CASZ1: variants seen among roughly 807,000 people sequenced by gnomAD.
CASZ1 encodes castor zinc finger 1.
Under a neutral mutation model 135.2 loss-of-function variants are expected in CASZ1, and 28 were observed. That is an observed-to-expected ratio of 0.21 (90% CI 0.15 to 0.28). CASZ1 has a LOEUF of 0.28. CASZ1 is among the 10% of genes least tolerant of loss of function. The pLI is 1.00. For synonymous variants in CASZ1, 1,068 were observed against 1,073.4 expected (o/e 0.99, Z 0.10); for missense variants, 2,161 against 2,453.3 (o/e 0.88, Z 2.52).
At position 10,646,221 on chromosome 1, in the gene CASZ1, G is replaced by A. The variant is rs1359862588; in HGVS notation, c.3603C>T (p.Ser1201=). ...YVCKTSGKAE[S]HCLDHINPNN... ...TGGGGTTGATGTGGTCCAGGCAGTGGGATTCGGCCTTGCCAGACGTTTTGC... is the reference window on the plus strand; with the variant it reads ...TGGGGTTGATGTGGTCCAGGCAGTGAGATTCGGCCTTGCCAGACGTTTTGC... The change falls in exon 17 of 21, where the codon TCC becomes TCT. Residue 1201 remains serine (S), a synonymous_variant. Transcript: ENST00000377022. The surrounding 1 kb of genome is among the most constrained non-coding windows in gnomAD (Gnocchi z 6.4). 1 of 1,614,184 alleles carries A rather than the reference G, an allele frequency of 6.2e-7. No individual in the cohort carries two copies. The highest frequency in any genetic ancestry group is 1.7e-5 in the Admixed American group (1 of 60,020).
chr1:10,795,482 C>A (rs2100643933), intron 1 of CASZ1, among the ~76,000 whole-genome samples: 1 of 152,268 alleles, frequency 6.6e-6, no homozygotes, highest in East Asian at 1.9e-4. Context: ...CTCTCCCACG[C>A]TGCAGAGCCC....
intron 4 of CASZ1, among the ~76,000 whole-genome samples, chr1:10,678,985 C>T (rs892683138): frequency 3.3e-5 from 5 of 152,110 alleles, no homozygotes; most frequent in African/African-American, 1.2e-4. Context: ...GACAGACGCC[C>T]GTCTGCCCGC....
intron 2 of CASZ1, among the ~76,000 whole-genome samples, chr1:10,733,703 C>T (rs1366200707): frequency 2.0e-5 from 3 of 152,120 alleles, no homozygotes; most frequent in Admixed American, 6.5e-5. Context: ...TATGATAAGA[C>T]CTGGAAGATG....
chr1:10,778,996 G>A (rs1477942541), intron 1 of CASZ1, among the ~76,000 whole-genome samples: 1 of 152,214 alleles, frequency 6.6e-6, no homozygotes, highest in East Asian at 1.9e-4. Flanking sequence ...AAAAGGCCAA[G>A]ACCACTGCAA....
rs994545833 is a variant in CASZ1 at position 10,679,115 on chromosome 1, T to A, written c.17-13544A>T. Among the ~76,000 whole-genome samples, 2 of 152,142 alleles carry A rather than the reference T, an allele frequency of 1.3e-5. No individual in the cohort carries two copies. The highest frequency in any genetic ancestry group is 4.8e-5 in the African/African-American group (2 of 41,420). On this transcript the variant is annotated intron_variant, in intron 4 of 20. Transcript: ENST00000377022. This position sits in a 1 kb window ranked among gnomAD's most constrained non-coding sequence, Gnocchi z 4.7. ...ATGAAGAGCTGAGGTTCAGGAGGGG[T>A]ACCCGCTGCCCCGACTTCCCAGGAT...
At chr1:10,682,618 C>T (rs1008528985) in intron 4 of CASZ1, among the ~76,000 whole-genome samples, 2 of 152,188 alleles carry the variant, frequency 1.3e-5, no homozygotes, top group African/African-American at 4.8e-5. Context: ...GAAATGTCAC[C>T]GCTTGTCATG....
chr1:10,779,484 C>T (rs1039486182), intron 1 of CASZ1, among the ~76,000 whole-genome samples: 2 of 152,076 alleles, frequency 1.3e-5, no homozygotes, highest in Non-Finnish European at 2.9e-5. Flanking sequence ...CCTGGCGCTG[C>T]CCCGCCCCCT....
chr1:10,689,870 T>A (rs960453119), intron 4 of CASZ1, among the ~76,000 whole-genome samples: 1 of 152,224 alleles, frequency 6.6e-6, no homozygotes, highest in Non-Finnish European at 1.5e-5. Context: ...TCCCTCTAAA[T>A]GTCACTAACC....
chr1:10,638,835 G>A lies in CASZ1; in HGVS notation c.*107C>T, dbSNP rs1159767063. 1.0e-6 allele frequency: 1 copy of A among 955,390 alleles called. No homozygotes were observed. The highest frequency in any genetic ancestry group is 4.8e-5 in the South Asian group (1 of 20,748). The allele number at this position is 955,390 out of a possible 1,614,324, so 59.2% of individuals were successfully genotyped here. A position where few individuals can be genotyped will look rare whatever the true frequency, so the allele number is the denominator to read the frequency against. On this transcript the variant is annotated 3_prime_UTR_variant, in exon 21 of 21. Transcript: ENST00000377022. This position sits in a 1 kb window ranked among gnomAD's most constrained non-coding sequence, Gnocchi z 5.9. ...TGTCCTGAGACGGACTCGGGGTCCGGAAGCACCGGCGGGGCGCGGGGCTCT... is the reference window on the plus strand; with the variant it reads ...TGTCCTGAGACGGACTCGGGGTCCGAAAGCACCGGCGGGGCGCGGGGCTCT...
chr1:10,653,026 C>G (rs1276787118), intron 11 of CASZ1: 2 of 337,038 alleles, frequency 5.9e-6, no homozygotes, highest in Non-Finnish European at 1.1e-5. Context: ...GGGCCCTGGG[C>G]CTGCTCTTAT....
intron 12 of CASZ1, 49 bp from the exon 13 acceptor site, chr1:10,650,804 GCCCTGGGGCTCACCTTCCCTGCCCGA>G (rs1642547084): frequency 6.2e-7 from 1 of 1,604,660 alleles, no homozygotes; most frequent in South Asian, 1.1e-5. Flanking sequence ...CGGGGCCTGG[GCCCTGGGGCTCACCTTCCCTGCCCGA>G]CCCTGGGGCT....
At chr1:10,658,450 C>T in intron 7 of CASZ1, 58 bp downstream of exon 7, 1 of 1,438,488 alleles carries the variant, frequency 7.0e-7, no homozygotes. Flanking sequence ...CTCAGAGTGC[C>T]CGGTCAGTCC....
chr1:10,719,350 C>G lies in CASZ1; in HGVS notation c.-76-13806G>C, dbSNP rs929978182. Among the ~76,000 whole-genome samples the G allele has an allele frequency of 6.6e-6, 1 of 152,226 alleles. No individual in the cohort carries two copies. Among genetic ancestry groups the G allele is most frequent in the Non-Finnish European group, 1.5e-5 (1 of 68,048 alleles). ...AAAAGCCCTCATTCTTTTGACCGTA[C>G]CCCACTGCCTTCCCTTTAGACCTGA... On this transcript the variant is annotated intron_variant, in intron 2 of 20. Transcript: ENST00000377022. The surrounding 1 kb of genome is among the most constrained non-coding windows in gnomAD (Gnocchi z 4.0).
intron 1 of CASZ1, among the ~76,000 whole-genome samples, chr1:10,795,700 G>T (rs1368794670): frequency 6.6e-6 from 1 of 152,222 alleles, no homozygotes; most frequent in African/African-American, 2.4e-5. Flanking sequence ...CCTTCAGCTG[G>T]GGAGGCAGGG....
chr1:10,720,147 G>A lies in CASZ1; in HGVS notation c.-76-14603C>T, dbSNP rs191640713. On this transcript the variant is annotated intron_variant, in intron 2 of 20. Transcript: ENST00000377022. This position sits in a 1 kb window ranked among gnomAD's most constrained non-coding sequence, Gnocchi z 5.7. ...GATGGGCATGTGATCTGGCCTCTCC[G>A]AGGTTCAATTTCCTTGTCTATAAAA... Among the ~76,000 whole-genome samples, 40 of 152,334 alleles carry A rather than the reference G, an allele frequency of 2.6e-4. No homozygotes were observed. In the East Asian group the frequency reaches 4.6e-3, roughly 18 times the overall value.
At position 10,707,370 on chromosome 1, in the gene CASZ1, G is replaced by A. The variant is rs1639198959; in HGVS notation, c.-76-1826C>T. ...GGTGTTGCCGTCCCCAACCACCCCT[G>A]TTTTCTGACAACAAGGGAGCGCGGG... On this transcript the variant is annotated intron_variant, in intron 2 of 20. Transcript: ENST00000377022. This position sits in a 1 kb window ranked among gnomAD's most constrained non-coding sequence, Gnocchi z 5.0. Among the ~76,000 whole-genome samples, 1 of 152,144 alleles carries A rather than the reference G, an allele frequency of 6.6e-6. No homozygotes were observed. Among genetic ancestry groups the A allele is most frequent in the South Asian group, 2.1e-4 (1 of 4,834 alleles).
At position 10,648,085 on chromosome 1, in the gene CASZ1, A is replaced by G. The variant is rs778228; in HGVS notation, c.3213T>C (p.Phe1071=). 338,014 of 1,574,226 alleles carry G rather than the reference A, an allele frequency of 0.21. 40,818 individuals carry two copies. The highest frequency in any genetic ancestry group is 0.48 in the African/African-American group (35,453 of 73,760). The change falls in exon 16 of 21, where the codon TTT becomes TTC. Residue 1071 remains phenylalanine (F), a synonymous_variant. Transcript: ENST00000377022. ...GTTTGGTCTCGGCGGCCGAGGCCGG[A>G]AAGGCAGCCTCTGTGTTTCCTTTTG... ...GAAKGNTEAA[F]PASAAETKPP...
Position 10,757,268 on chromosome 1 carries a change from G to A in CASZ1, c.-77+3433C>T, listed in dbSNP as rs571946864. On this transcript the variant is annotated intron_variant, in intron 2 of 20. Transcript: ENST00000377022. The surrounding 1 kb of genome is among the most constrained non-coding windows in gnomAD (Gnocchi z 4.6). Reference sequence around the variant, plus strand: ...GGAGAAGACACAGAGCCACAAATCCGCGGGCACAGAATGCTTGAGTCATCC... The same window carrying A: ...GGAGAAGACACAGAGCCACAAATCCACGGGCACAGAATGCTTGAGTCATCC... Among the ~76,000 whole-genome samples, 3 of 152,250 alleles carry A rather than the reference G, an allele frequency of 2.0e-5. No individual in the cohort carries two copies. Among genetic ancestry groups the A allele is most frequent in the South Asian group, 2.1e-4 (1 of 4,814 alleles).
chr1:10,712,642 T>A (rs989840915), intron 2 of CASZ1, among the ~76,000 whole-genome samples: 1 of 152,126 alleles, frequency 6.6e-6, no homozygotes, highest in African/African-American at 2.4e-5. Flanking sequence ...CTCCACAGGA[T>A]GTGCTGTGTG....
Sources: allele counts gnomAD v4.1 joint callset (sites outside exome capture counted in the v4.1 genomes callset), GRCh38; gene constraint gnomAD v4.1.1; non-coding constraint Gnocchi (gnomAD v3.1); transcripts MANE v1.5; gene names NCBI Gene and HGNC (gene_info 2026-07-23, HGNC 2026-07-21).